Variants in PVT1 observed in about 807,000 individuals in gnomAD.
PVT1 encodes CXCR4/PVT1 fusion.
At chr8:127,890,046 G>C (rs907624015) in intron 2 of PVT1, among the ~76,000 whole-genome samples, 1 of 152,200 alleles carries the variant, frequency 6.6e-6, no homozygotes, top group African/African-American at 2.4e-5. Context: ...GTTAGTGAAT[G>C]AATGAGTAAG....
At chr8:127,984,877 C>CT (rs199522882) in intron 3 of PVT1, among the ~76,000 whole-genome samples, 1 of 87,436 alleles carries the variant, frequency 1.1e-5, no homozygotes. Context: ...TTCTTTCTTT[C>CT]TTTCTTTCTT....
intron 2 of PVT1, among the ~76,000 whole-genome samples, chr8:127,869,029 C>T (rs990921916): frequency 6.6e-6 from 1 of 151,440 alleles, no homozygotes; most frequent in Non-Finnish European, 1.5e-5. Flanking sequence ...GGGTCTGGTT[C>T]AGGGTGGACT....
intron 3 of PVT1, chr8:127,947,609 G>C: frequency 2.3e-6 from 1 of 432,012 alleles, no homozygotes; most frequent in South Asian, 1.6e-5. Flanking sequence ...GAAAGAGTCA[G>C]GCAGAGTCTC....
intron 2 of PVT1, among the ~76,000 whole-genome samples, chr8:127,859,008 A>C (rs899671295): frequency 2.0e-5 from 3 of 151,612 alleles, no homozygotes; most frequent in Non-Finnish European, 4.4e-5. Context: ...GGGTCTTGCT[A>C]TGTTGCCCAG....
chr8:127,832,666 G>A (rs1043725750), intron 2 of PVT1, among the ~76,000 whole-genome samples: 51 of 152,296 alleles, frequency 3.3e-4, no homozygotes, highest in Non-Finnish European at 1.2e-4. Flanking sequence ...AGACCATCCT[G>A]GCTAACATGG....
At chr8:127,855,637 G>A (rs1469590411) in intron 2 of PVT1, among the ~76,000 whole-genome samples, 6 of 152,178 alleles carry the variant, frequency 3.9e-5, no homozygotes, top group African/African-American at 1.4e-4. Flanking sequence ...AGACTGGAGA[G>A]CACCTTTCCC....
intron 5 of PVT1, among the ~76,000 whole-genome samples, chr8:128,096,261 T>C (rs974957845): frequency 1.3e-5 from 2 of 152,234 alleles, no homozygotes; most frequent in Admixed American, 1.3e-4. Context: ...AGTTTTTCAA[T>C]CTGTAAAATG....
chr8:127,931,745 C>T (rs181450719), intron 3 of PVT1, among the ~76,000 whole-genome samples: 47 of 152,306 alleles, frequency 3.1e-4, no homozygotes, highest in African/African-American at 9.9e-4. Flanking sequence ...TCACTCAGCG[C>T]GAGCCAAGCA....
intron 2 of PVT1, among the ~76,000 whole-genome samples, chr8:127,881,189 T>C (rs79913298): frequency 0.018 from 2,714 of 152,160 alleles, 84 homozygotes; most frequent in African/African-American, 0.061. Context: ...TGGACTGGGT[T>C]CGGTTTGCAT....
Position 127,855,313 on chromosome 8 carries a change from C to T in PVT1, n.373-35276C>T, listed in dbSNP as rs58082889. The T allele has an allele frequency of 3.2e-3, 1,261 of 398,032 alleles. 14 individuals are homozygous for T. Among genetic ancestry groups the T allele is most frequent in the African/African-American group, 0.023 (1,121 of 48,712 alleles). 24.7% of individuals were successfully genotyped at this position (398,032 alleles called of 1,614,324 possible). ...GCTGGGGGCCTTGGCTGTAAGGACC[C>T]CTAAGGGTTAGTGTCTGGAGCTTGG... On this transcript the variant is annotated intron_variant and non_coding_transcript_variant, in intron 2 of 10. Coordinates refer to ENST00000651587, the Ensembl canonical transcript of PVT1.
chr8:128,083,821 G>T (rs1314390813), intron 5 of PVT1, among the ~76,000 whole-genome samples: 2 of 152,178 alleles, frequency 1.3e-5, no homozygotes, highest in African/African-American at 4.8e-5. Flanking sequence ...TGTAACCTGG[G>T]TCTCTCATTT....
At chr8:127,873,908 A>G (rs958285880) in intron 2 of PVT1, among the ~76,000 whole-genome samples, 3 of 152,246 alleles carry the variant, frequency 2.0e-5, no homozygotes, top group Admixed American at 2.0e-4. Flanking sequence ...ATAGGTGTGC[A>G]GTAAATGTCT....
intron 4 of PVT1, among the ~76,000 whole-genome samples, chr8:128,063,080 C>T (rs929915431): frequency 6.6e-6 from 1 of 152,182 alleles, no homozygotes; most frequent in Non-Finnish European, 1.5e-5. Context: ...AGTACTTGGC[C>T]TTTTGAATTA....
intron 2 of PVT1, among the ~76,000 whole-genome samples, chr8:127,888,184 C>T (rs1268560423): frequency 2.0e-5 from 3 of 152,164 alleles, no homozygotes; most frequent in African/African-American, 7.2e-5. Flanking sequence ...TCGTGATCCA[C>T]CCGCCTCGGC....
At chr8:127,925,861 G>A (rs962269430) in intron 3 of PVT1, among the ~76,000 whole-genome samples, 2 of 152,080 alleles carry the variant, frequency 1.3e-5, no homozygotes, top group East Asian at 1.9e-4. Context: ...GGCTGCTCTC[G>A]AACTCCTGAC....
intron 4 of PVT1, among the ~76,000 whole-genome samples, chr8:128,017,938 C>T (rs756512289): frequency 6.6e-6 from 1 of 152,208 alleles, no homozygotes; most frequent in Non-Finnish European, 1.5e-5. Context: ...GCCAGCACAT[C>T]TTACCCTCCT....
At chr8:128,000,610 C>T (rs1273123672) in intron 4 of PVT1, among the ~76,000 whole-genome samples, 1 of 152,236 alleles carries the variant, frequency 6.6e-6, no homozygotes. Context: ...GGAAAACTGG[C>T]AGGTGGGAAG....
chr8:127,926,724 C>T (rs1816134504), intron 3 of PVT1, among the ~76,000 whole-genome samples: 1 of 152,204 alleles, frequency 6.6e-6, no homozygotes, highest in Admixed American at 6.5e-5. Context: ...CCCCGGGTGC[C>T]CACCCTCAGA....
At chr8:128,017,523 C>T (rs1044373000) in intron 4 of PVT1, among the ~76,000 whole-genome samples, 1 of 151,906 alleles carries the variant, frequency 6.6e-6, no homozygotes, top group African/African-American at 2.4e-5. Context: ...CCTCAACCTC[C>T]TAGGTTCAAG....
Sources: gnomAD v4.1 joint callset for allele counts (sites outside exome capture counted in the v4.1 genomes callset) on GRCh38, gnomAD v4.1.1 for gene constraint, MANE v1.5 for transcripts, NCBI Gene and HGNC (gene_info 2026-07-23, HGNC 2026-07-21) for gene names.